The following PZP variants were observed in gnomAD, a reference collection of about 807,000 sequenced individuals.
PZP encodes pregnancy zone protein.
PZP carries 150 observed loss-of-function variants against 179.8 expected under a neutral mutation model. The observed-to-expected ratio is 0.83, with a 90% CI of 0.73 to 0.96. The LOEUF is 0.96. PZP is among the 40% of genes least tolerant of loss of function. PZP has a pLI of 0.00. For missense variants in PZP, 1,689 were observed against 1,764.0 expected, an observed-to-expected ratio of 0.96 and a Z score of 0.76; for synonymous variants, 624 against 652.3, an observed-to-expected ratio of 0.96 and a Z score of 0.66.
In PZP at chr12:9,181,043, A is replaced by G; in HGVS notation, c.1779T>C (p.Leu593=). 1 of 1,614,188 alleles carries G rather than the reference A, an allele frequency of 6.2e-7. No homozygotes were observed. Among genetic ancestry groups the G allele is most frequent in the South Asian group, 1.1e-5 (1 of 91,068 alleles). The change falls in exon 15 of 36, where the codon CTT becomes CTC. Residue 593 remains leucine (L), a synonymous_variant. Transcript: ENST00000261336. The stretch of plus-strand genomic sequence containing the variant: ...GCAGCACACTTTGGTCCACAGCACG[A>G]AGGGCACAGAGGGACTGCGGAGCAG... ...VAAAPQSLCA[L]RAVDQSVLLM...
Position 9,157,337 on chromosome 12 carries a change from C to T in PZP, c.3388G>A (p.Ala1130Thr), listed in dbSNP as rs1053770390. The T allele has an allele frequency of 1.9e-6, 3 of 1,613,536 alleles. No individual in the cohort carries two copies. The highest frequency in any genetic ancestry group is 2.7e-5 in the African/African-American group (2 of 74,906). ...CAGGCTGACTCCAGGCAGAACAGGG[C>T]ATTGCGAACAATAGGGTTCTGTAAA... is the stretch of plus-strand genomic sequence containing the variant. The part of the protein sequence containing the change: ...LPVTNPIVRN[A>T]LFCLESAWNV... The change falls in exon 28 of 36, where the codon GCC becomes ACC. Residue 1130 changes from alanine (A) to threonine (T), a missense_variant. Around this residue, in one of 3 missense-constraint regions of PZP, gnomAD observed 746 missense variants for 749.2 expected, o/e 1.00. Coordinates refer to ENST00000261336, the MANE Select transcript of PZP (RefSeq NM_002864.3).
intron 19 of PZP, 117 bp downstream of exon 19, chr12:9,165,022 A>T: frequency 8.0e-7 from 1 of 1,242,554 alleles, no homozygotes; most frequent in Non-Finnish European, 1.2e-6. Context: ...AATTATTCAC[A>T]GTGCTAACAC....
chr12:9,184,480 A>G (rs776515773), intron 13 of PZP, among the ~76,000 whole-genome samples: 2 of 152,216 alleles, frequency 1.3e-5, no homozygotes, highest in Non-Finnish European at 2.9e-5. Flanking sequence ...CCTGAGTCAT[A>G]CTGCCATGAT....
Position 9,192,715 on chromosome 12 carries a change from A to G in PZP, c.1279T>C (p.Cys427Arg), listed in dbSNP as rs1943530492. 6.2e-7 allele frequency: 1 copy of G among 1,612,304 alleles called. No individual in the cohort carries two copies. The highest frequency in any genetic ancestry group is 8.5e-7 in the Non-Finnish European group (1 of 1,178,450). Residue 427 changes from cysteine to arginine, a missense_variant, in exon 12 of 36, where the codon TGT becomes CGT. Cys to Arg is a radical substitution (Grantham distance 180). Coordinates refer to ENST00000261336, the MANE Select transcript of PZP (RefSeq NM_002864.3). ...TCTGCTACCCATGAATAGTGAAAACACAAGTTGGGATGCACAGTGAAAACC... is the reference window on the plus strand; with the variant it reads ...TCTGCTACCCATGAATAGTGAAAACGCAAGTTGGGATGCACAGTGAAAACC... ...VRVFTVHPNL[C>R]FHYSWVAEDH...
At chr12:9,148,509 T>C (rs1246832276), downstream of PZP, among the ~76,000 whole-genome samples, 1 of 152,202 alleles carries the variant, frequency 6.6e-6, no homozygotes, top group Non-Finnish European at 1.5e-5. Flanking sequence ...TGCACTTTAA[T>C]TATCAATTCT....
chr12:9,197,086 C>G lies in PZP; in HGVS notation c.793G>C (p.Val265Leu), dbSNP rs759088112. Reference protein sequence around the residue: ...YGKPVPGLATVSLCRKLSRVL... With the variant: ...YGKPVPGLATLSLCRKLSRVL... ...CGAGATAATTTTCTACACAGGCTCA[C>G]AGTTGCAAGTCCTGGGACAGGCTTC... Residue 265 changes from valine to leucine, a missense_variant, in exon 8 of 36, where the codon GTG (valine) becomes CTG (leucine). Transcript: ENST00000261336. 1.2e-6 allele frequency: 2 copies of G among 1,613,450 alleles called. No individual in the cohort carries two copies. The highest frequency in any genetic ancestry group is 8.5e-7 in the Non-Finnish European group (1 of 1,179,740).
chr12:9,172,990 A>G (rs1942100982), intron 15 of PZP, among the ~76,000 whole-genome samples: 1 of 152,252 alleles, frequency 6.6e-6, no homozygotes, highest in South Asian at 2.1e-4. Flanking sequence ...ATTGATATCT[A>G]CAGAACTCTC....
rs186581282 is a variant in PZP, at chr12:9,156,876, T to G, written c.3550+299A>C. 2.6e-5 allele frequency among the ~76,000 whole-genome samples: 4 copies of G among 152,258 alleles called. No homozygotes were observed. In the East Asian group the frequency reaches 7.7e-4, roughly 29 times the overall value. ...ATTTGCTGTTTGCTCTCACCTTTTTTTGCACAGTTTTTAAAAAAACTTTTA... is the reference window on the plus strand; with the variant it reads ...ATTTGCTGTTTGCTCTCACCTTTTTGTGCACAGTTTTTAAAAAAACTTTTA... On this transcript the variant is annotated intron_variant, in intron 28 of 35. Transcript: ENST00000261336.
chr12:9,194,600 G>A (rs1943653640), intron 10 of PZP, among the ~76,000 whole-genome samples: 1 of 151,876 alleles, frequency 6.6e-6, no homozygotes, highest in Non-Finnish European at 1.5e-5. Flanking sequence ...GAGTAGCTGG[G>A]ACTACAGGCG....
chr12:9,173,589 A>G (rs755625167), intron 15 of PZP, among the ~76,000 whole-genome samples: 1 of 152,278 alleles, frequency 6.6e-6, no homozygotes, highest in African/African-American at 2.4e-5. Context: ...AGCTAGACTA[A>G]TAAAGAAGAA....
chr12:9,195,351 CAT>C (rs1485481490), intron 10 of PZP, among the ~76,000 whole-genome samples: 1 of 152,080 alleles, frequency 6.6e-6, no homozygotes, highest in African/African-American at 2.4e-5. Flanking sequence ...AGAAAATACA[CAT>C]GAGAATGTTT....
In PZP at chr12:9,160,491, C is replaced by G. The variant is rs1941098256; in HGVS notation, c.2873-1G>C. On this transcript the variant is annotated splice_acceptor_variant, in intron 23 of 35. Transcript: ENST00000261336. LOFTEE classifies it high-confidence loss of function. ...TGCATAGCAGAACCTAATATGTCAC[C>G]TGGGGAATGTGAAAGATTAGATGTC... 1.9e-6 allele frequency: 3 copies of G among 1,609,286 alleles called. No homozygotes were observed. The highest frequency in any genetic ancestry group is 2.5e-6 in the Non-Finnish European group (3 of 1,178,116).
intron 7 of PZP, 73 bp from the exon 8 acceptor site, chr12:9,197,196 T>C: frequency 9.9e-7 from 1 of 1,014,366 alleles, no homozygotes; most frequent in Non-Finnish European, 1.5e-6. Flanking sequence ...TCCACAGAAC[T>C]GTCCCTCTTT....
At position 9,162,681 on chromosome 12, in the gene PZP, A is replaced by G. The variant is rs762195792; in HGVS notation, c.2737-33T>C. 1.2e-5 allele frequency: 18 copies of G among 1,516,910 alleles called. No individual in the cohort carries two copies. In the South Asian group the frequency reaches 2.1e-4, roughly 17 times the overall value. 94.0% of individuals were successfully genotyped at this position (1,516,910 alleles called of 1,614,324 possible). ...GAAAGGAAAGAAAAGGAGAAAAGAT[A>G]GAAACATCCTGGTGACAAGAGAACC... On this transcript the variant is annotated intron_variant, in intron 21 of 35. Coordinates refer to ENST00000261336, the MANE Select transcript of PZP (RefSeq NM_002864.3).
intron 15 of PZP, 46 bp downstream of exon 15, chr12:9,180,937 C>A: frequency 6.3e-7 from 1 of 1,575,774 alleles, no homozygotes; most frequent in Non-Finnish European, 8.6e-7. Context: ...TTGATCTGAG[C>A]CTCTGGAATG....
At chr12:9,190,247 C>A (rs769898617) in intron 13 of PZP, among the ~76,000 whole-genome samples, 2 of 152,072 alleles carry the variant, frequency 1.3e-5, no homozygotes, top group Non-Finnish European at 2.9e-5. Flanking sequence ...TGGAATCAAC[C>A]TAAATGCCCA....
chr12:9,162,843 C>T (rs1167176319), intron 21 of PZP, among the ~76,000 whole-genome samples, 195 bp from the exon 22 acceptor site: 1 of 152,064 alleles, frequency 6.6e-6, no homozygotes, highest in Non-Finnish European at 1.5e-5. Context: ...TAAATGTGTG[C>T]CATGGTGGTT....
At chr12:9,190,187 G>T (rs141452494) in intron 13 of PZP, among the ~76,000 whole-genome samples, 1 of 152,176 alleles carries the variant, frequency 6.6e-6, no homozygotes, top group African/African-American at 2.4e-5. Flanking sequence ...AAAGACACAT[G>T]CACACATATG....
Position 9,200,465 on chromosome 12 carries a change from T to C in PZP, c.671-17A>G, listed in dbSNP as rs752205713. 3.1e-5 allele frequency: 49 copies of C among 1,558,894 alleles called. No individual in the cohort carries two copies. In the East Asian group the frequency reaches 1.0e-3, roughly 32 times the overall value. Reference sequence around the variant, plus strand: ...TGGGAAGCACTGTTAATAGAGATAATAGGAATAAGGAAGGTTGGTAAACAT... The same window carrying C: ...TGGGAAGCACTGTTAATAGAGATAACAGGAATAAGGAAGGTTGGTAAACAT... On this transcript the variant is annotated splice_polypyrimidine_tract_variant and intron_variant, in intron 6 of 35. Coordinates refer to ENST00000261336, the MANE Select transcript of PZP (RefSeq NM_002864.3).
Sources: allele counts gnomAD v4.1 joint callset (sites outside exome capture counted in the v4.1 genomes callset), GRCh38; gene constraint gnomAD v4.1.1; regional missense constraint gnomAD v4.1.1; transcripts MANE v1.5; gene names NCBI Gene and HGNC (gene_info 2026-07-23, HGNC 2026-07-21).